Variants in ZNF385D observed in about 807,000 individuals in gnomAD.
ZNF385D encodes zinc finger protein 659.
In ZNF385D, 15 loss-of-function variants were observed where a neutral mutation model predicts 35.8. The observed-to-expected ratio is 0.42, with a 90% CI of 0.28 to 0.64. The LOEUF (loss-of-function observed/expected upper bound fraction) is 0.64, where lower values mean the gene tolerates loss of function less well. Ranked by LOEUF, ZNF385D falls within the 30% of genes least tolerant of loss-of-function variation. The probability of loss-of-function intolerance (pLI) is 0.23; values close to 1 mark genes in which losing one functional copy is unlikely to be tolerated. For synonymous variants in ZNF385D, 212 were observed against 186.8 expected, an observed-to-expected ratio of 1.13 and a Z score of -1.10; for missense variants, 474 against 494.6, an observed-to-expected ratio of 0.96 and a Z score of 0.39.
intron 3 of ZNF385D, among the ~76,000 whole-genome samples, chr3:21,870,886 C>T (rs747367363): frequency 6.6e-6 from 1 of 152,070 alleles, no homozygotes. Context: ...CCATTCTTAT[C>T]CAAGCCACAG....
At chr3:21,556,053 G>GT (rs1209768767) in intron 3 of ZNF385D, among the ~76,000 whole-genome samples, 6 of 110,776 alleles carry the variant, frequency 5.4e-5, no homozygotes, top group African/African-American at 1.0e-4. Context: ...ACTTTTTGAC[G>GT]TTTTTTTTGT....
chr3:22,174,403 C>T lies in ZNF385D; in HGVS notation c.107-5368G>A, dbSNP rs114384024. Among the ~76,000 whole-genome samples, 1,208 of 152,196 alleles carry T rather than the reference C, an allele frequency of 7.9e-3. 15 individuals are homozygous for T. Among genetic ancestry groups the T allele is most frequent in the African/African-American group, 0.028 (1,148 of 41,544 alleles). On this transcript the variant is annotated intron_variant, in intron 2 of 5. Coordinates refer to the ZNF385D transcript ENST00000494108. ...ACAATGAAACGTCTGTAGATGACAG[C>T]CACTAACAGACAGTTTAGTGCACAA... is the stretch of plus-strand genomic sequence containing the variant.
intron 1 of ZNF385D, among the ~76,000 whole-genome samples, chr3:21,675,670 G>A (rs375657014): frequency 6.6e-6 from 1 of 152,034 alleles, no homozygotes; most frequent in African/African-American, 2.4e-5. Flanking sequence ...ATACTAAGAG[G>A]CGATCATTTG....
intron 3 of ZNF385D, among the ~76,000 whole-genome samples, chr3:22,127,359 A>T (rs1576365685): frequency 5.5e-5 from 3 of 54,288 alleles, no homozygotes; most frequent in African/African-American, 7.7e-5. Flanking sequence ...TTTTTTTTTG[A>T]GACAGAGTCT....
chr3:22,002,066 A>G (rs1311855450), intron 3 of ZNF385D, among the ~76,000 whole-genome samples: 3 of 151,964 alleles, frequency 2.0e-5, no homozygotes, highest in Admixed American at 2.0e-4. Context: ...ACTCAAAATT[A>G]GGAAAAGGAA....
At chr3:21,628,522 A>C (rs1365790119) in intron 2 of ZNF385D, among the ~76,000 whole-genome samples, 2 of 152,164 alleles carry the variant, frequency 1.3e-5, no homozygotes, top group African/African-American at 4.8e-5. Flanking sequence ...AAAAATCTAT[A>C]AGGTAAGAAA....
intron 2 of ZNF385D, among the ~76,000 whole-genome samples, chr3:22,323,695 T>A (rs1694547997): frequency 6.6e-6 from 1 of 152,234 alleles, no homozygotes; most frequent in African/African-American, 2.4e-5. Context: ...CATCTGTTTC[T>A]TAATAATGAG....
intron 3 of ZNF385D, among the ~76,000 whole-genome samples, chr3:21,930,712 G>C (rs186510706): frequency 6.6e-6 from 1 of 152,122 alleles, no homozygotes; most frequent in African/African-American, 2.4e-5. Context: ...GCCAAGGCAA[G>C]TCAGTGAGAG....
intron 2 of ZNF385D, among the ~76,000 whole-genome samples, chr3:22,248,904 T>C (rs1699926063): frequency 6.6e-6 from 1 of 152,198 alleles, no homozygotes; most frequent in South Asian, 2.1e-4. Flanking sequence ...TCTTGAATAC[T>C]CCCTTCTCAT....
Position 21,484,944 on chromosome 3 carries a change from CA to C in ZNF385D, c.439+25916del, listed in dbSNP as rs535442863. 2.6e-5 allele frequency among the ~76,000 whole-genome samples: 4 copies of C among 152,118 alleles called. No individual in the cohort carries two copies. In the South Asian group the frequency reaches 8.3e-4, roughly 32 times the overall value. On this transcript the variant is annotated intron_variant, in intron 4 of 7. Coordinates refer to ENST00000281523, the MANE Select transcript of ZNF385D (RefSeq NM_024697.3). ...ACAAAACAAAATAAAGGAAACAAAC[CA>C]AAAATGGGGAACTTATCACTGAGTC...
rs185682198 is a variant in ZNF385D, at chr3:21,856,263, G to C, written c.326-191235C>G. On this transcript the variant is annotated intron_variant, in intron 3 of 5. Transcript: ENST00000494108. ...TGATGGATCTATTTCAACAACTAAA[G>C]TGCAGACACTGGAATGTCCAGGATT... Among the ~76,000 whole-genome samples the C allele has an allele frequency of 3.6e-3, 546 of 151,010 alleles. 1 individual carries two copies. The highest frequency in any genetic ancestry group is 0.01 in the Middle Eastern group (3 of 294).
rs898884368 is a variant in ZNF385D at position 21,626,817 on chromosome 3, A to C, written c.165+38069T>G. Among the ~76,000 whole-genome samples, 3 of 152,044 alleles carry C rather than the reference A, an allele frequency of 2.0e-5. No individual in the cohort carries two copies. In the East Asian group the frequency reaches 5.8e-4, roughly 29 times the overall value. On this transcript the variant is annotated intron_variant, in intron 2 of 7. Coordinates refer to ENST00000281523, the MANE Select transcript of ZNF385D (RefSeq NM_024697.3). Reference sequence around the variant, plus strand: ...GGAAAGAGAACCAAGGAGAAAGAGCAGCAGGCAAGTGTGTTAGAATTTATA... The same window carrying C: ...GGAAAGAGAACCAAGGAGAAAGAGCCGCAGGCAAGTGTGTTAGAATTTATA...
upstream of ZNF385D, among the ~76,000 whole-genome samples, chr3:21,755,835 C>T (rs1167940964): frequency 2.6e-5 from 4 of 152,062 alleles, no homozygotes; most frequent in Non-Finnish European, 4.4e-5. Context: ...AGGCATTACT[C>T]CAGGTGCTGG....
chr3:22,086,815 G>T (rs1701070168), intron 3 of ZNF385D, among the ~76,000 whole-genome samples: 1 of 152,046 alleles, frequency 6.6e-6, no homozygotes, highest in South Asian at 2.1e-4. Context: ...CCATCATTCT[G>T]AGCAAACTAT....
chr3:21,884,276 A>G (rs1285595385), intron 3 of ZNF385D, among the ~76,000 whole-genome samples: 1 of 152,056 alleles, frequency 6.6e-6, no homozygotes, highest in Non-Finnish European at 1.5e-5. Context: ...GGCACTTAGC[A>G]CAGAGTGTGC....
intron 1 of ZNF385D, among the ~76,000 whole-genome samples, chr3:21,698,220 GAATA>G (rs551918983): frequency 6.6e-6 from 1 of 152,062 alleles, no homozygotes; most frequent in Non-Finnish European, 1.5e-5. Flanking sequence ...ACAGATTATT[GAATA>G]AAGAAAATGT....
Position 21,993,649 on chromosome 3 carries a change from C to A in ZNF385D, c.325+175168G>T, listed in dbSNP as rs550469472. On this transcript the variant is annotated intron_variant, in intron 3 of 5. Coordinates refer to the ZNF385D transcript ENST00000494108. ...AAACATCTAGTGGAATTACTTTTTT[C>A]TAAAAGAGCTATATCATGAGAAAAT... 2.6e-5 allele frequency among the ~76,000 whole-genome samples: 4 copies of A among 152,040 alleles called. No individual in the cohort carries two copies. In the East Asian group the frequency reaches 7.7e-4, roughly 29 times the overall value.
At position 21,595,515 on chromosome 3, in the gene ZNF385D, A is replaced by T. The variant is rs187133119; in HGVS notation, c.166-30831T>A. Among the ~76,000 whole-genome samples the T allele has an allele frequency of 4.0e-5, 6 of 149,326 alleles. No homozygotes were observed. The East Asian group carries it at 1.2e-3, about 29-fold the overall frequency. On this transcript the variant is annotated intron_variant, in intron 2 of 7. Coordinates refer to ENST00000281523, the MANE Select transcript of ZNF385D (RefSeq NM_024697.3). ...ATATATATGTATGTAATATATACAT[A>T]GATATATGTATGTAATATATACATA...
At chr3:22,015,467 C>T (rs1039377748) in intron 3 of ZNF385D, among the ~76,000 whole-genome samples, 3 of 152,058 alleles carry the variant, frequency 2.0e-5, no homozygotes, top group Non-Finnish European at 2.9e-5. Flanking sequence ...CCTTGGGCAG[C>T]CCCACAGCTC....
Sources: allele counts gnomAD v4.1 joint callset (sites outside exome capture counted in the v4.1 genomes callset), GRCh38; gene constraint gnomAD v4.1.1; transcripts MANE v1.5; gene names NCBI Gene and HGNC (gene_info 2026-07-23, HGNC 2026-07-21).